The following SLC25A13 variants were observed in gnomAD, a reference collection of about 807,000 sequenced individuals.
The protein encoded by SLC25A13 is solute carrier family 25 member 13, also known as electrogenic aspartate/glutamate antiporter SLC25A13, mitochondrial.
A neutral mutation model predicts 85.5 loss-of-function variants in SLC25A13; 70 were observed. The observed-to-expected ratio is 0.82, with a 90% confidence interval of 0.68 to 1.00. SLC25A13 has a LOEUF of 1.00. Ranked by LOEUF, SLC25A13 falls within the 50% of genes least tolerant of loss-of-function variation. The pLI is 0.00. For synonymous variants in SLC25A13, 259 were observed against 288.7 expected, an observed-to-expected ratio of 0.90 and a Z score of 1.04; for missense variants, 765 against 819.8, an observed-to-expected ratio of 0.93 and a Z score of 0.82.
At chr7:96,156,851 G>T (rs927352493) in intron 13 of SLC25A13, among the ~76,000 whole-genome samples, 2 of 152,082 alleles carry the variant, frequency 1.3e-5, no homozygotes, top group Non-Finnish European at 2.9e-5. Context: ...CCAGCCGTGA[G>T]AAATATTTTA....
intron 3 of SLC25A13, among the ~76,000 whole-genome samples, chr7:96,273,375 G>A (rs984618182): frequency 6.6e-6 from 1 of 152,200 alleles, no homozygotes; most frequent in South Asian, 2.1e-4. Context: ...GGGAAGGGAG[G>A]TGAACACACC....
intron 1 of SLC25A13, among the ~76,000 whole-genome samples, chr7:96,307,617 A>C (rs535678915): frequency 6.6e-6 from 1 of 152,190 alleles, no homozygotes; most frequent in African/African-American, 2.4e-5. Flanking sequence ...AGGGCATGGC[A>C]TAAATGAAAC....
At chr7:96,311,197 T>C (rs1420070789) in intron 1 of SLC25A13, among the ~76,000 whole-genome samples, 1 of 152,126 alleles carries the variant, frequency 6.6e-6, no homozygotes, top group Non-Finnish European at 1.5e-5. Context: ...TTAAAACCAT[T>C]ATGCAAAAAG....
At chr7:96,198,227 A>G (rs781131548) in intron 5 of SLC25A13, among the ~76,000 whole-genome samples, 11 of 152,178 alleles carry the variant, frequency 7.2e-5, no homozygotes, top group Admixed American at 4.6e-4. Context: ...TTTCTTCTAC[A>G]GAATAGGCAC....
intron 1 of SLC25A13, among the ~76,000 whole-genome samples, chr7:96,302,295 T>C (rs530784300): frequency 2.6e-5 from 4 of 152,130 alleles, no homozygotes; most frequent in Non-Finnish European, 4.4e-5. Flanking sequence ...TTCACTCTCC[T>C]AATATGAGTT....
At chr7:96,142,111 G>T (rs557524363) in intron 14 of SLC25A13, among the ~76,000 whole-genome samples, 1 of 152,156 alleles carries the variant, frequency 6.6e-6, no homozygotes, top group Non-Finnish European at 1.5e-5. Flanking sequence ...CTTAAGAAAA[G>T]TAAAATATTC....
intron 4 of SLC25A13, among the ~76,000 whole-genome samples, chr7:96,232,013 G>A (rs570820024): frequency 1.9e-4 from 29 of 152,242 alleles, no homozygotes; most frequent in South Asian, 1.5e-3. Context: ...CAACCACTGT[G>A]GAAAACAGTG....
At chr7:96,193,301 C>A in intron 5 of SLC25A13, 118 bp from the exon 6 acceptor site, 6 of 1,217,774 alleles carry the variant, frequency 4.9e-6, no homozygotes, top group Admixed American at 2.0e-5. Flanking sequence ...ATCTAACAAG[C>A]CCTCATCTGC....
At chr7:96,145,161 C>G (rs940559831) in intron 14 of SLC25A13, among the ~76,000 whole-genome samples, 1 of 152,068 alleles carries the variant, frequency 6.6e-6, no homozygotes, top group Non-Finnish European at 1.5e-5. Context: ...AAAAAAACAG[C>G]AGGTTTATTC....
At chr7:96,271,810 G>A (rs944341835) in intron 3 of SLC25A13, among the ~76,000 whole-genome samples, 3 of 151,968 alleles carry the variant, frequency 2.0e-5, no homozygotes, top group African/African-American at 7.2e-5. Context: ...GTCTATTAAT[G>A]GGAAGGGGGA....
At chr7:96,201,050 C>A (rs1795237954) in intron 5 of SLC25A13, among the ~76,000 whole-genome samples, 1 of 152,156 alleles carries the variant, frequency 6.6e-6, no homozygotes, top group Admixed American at 6.5e-5. Flanking sequence ...AGGCAAACAA[C>A]ACTAATGTGC....
intron 3 of SLC25A13, among the ~76,000 whole-genome samples, chr7:96,256,049 CG>C (rs367977470): frequency 4.1e-4 from 63 of 152,182 alleles, no homozygotes; most frequent in African/African-American, 1.4e-3. Flanking sequence ...ACCACCAGGC[CG>C]GCCTTACAAG....
intron 3 of SLC25A13, among the ~76,000 whole-genome samples, chr7:96,276,106 C>A (rs1277133814): frequency 6.6e-6 from 1 of 152,126 alleles, no homozygotes; most frequent in Non-Finnish European, 1.5e-5. Context: ...AGGGTGCTGG[C>A]AAGCAGCAGG....
intron 14 of SLC25A13, among the ~76,000 whole-genome samples, chr7:96,137,154 C>T (rs1330354926): frequency 6.6e-6 from 1 of 152,156 alleles, no homozygotes; most frequent in Non-Finnish European, 1.5e-5. Flanking sequence ...TTAGACCCCA[C>T]CTACATGGCT....
intron 3 of SLC25A13, among the ~76,000 whole-genome samples, chr7:96,240,819 T>C (rs1209772697): frequency 6.6e-6 from 1 of 151,106 alleles, no homozygotes; most frequent in Non-Finnish European, 1.5e-5. Flanking sequence ...GGTCCTGTGA[T>C]GGTAGACCAA....
intron 3 of SLC25A13, among the ~76,000 whole-genome samples, chr7:96,239,364 TTATA>T (rs530704741): frequency 6.7e-6 from 1 of 149,352 alleles, no homozygotes; most frequent in Non-Finnish European, 1.5e-5. Context: ...CTAAAAATGT[TTATA>T]TATATATATG....
intron 15 of SLC25A13, among the ~76,000 whole-genome samples, chr7:96,127,488 A>G (rs1036969186): frequency 1.3e-5 from 2 of 152,234 alleles, no homozygotes; most frequent in Non-Finnish European, 2.9e-5. Flanking sequence ...AGGTGAGGAT[A>G]CCAATAACCA....
intron 13 of SLC25A13, among the ~76,000 whole-genome samples, chr7:96,150,923 C>T (rs988999189): frequency 3.9e-5 from 6 of 151,938 alleles, no homozygotes; most frequent in Non-Finnish European, 5.9e-5. Flanking sequence ...AGTTCAGTAA[C>T]TATATGCCTC....
chr7:96,316,313 C>A (rs900572340), intron 1 of SLC25A13, among the ~76,000 whole-genome samples: 1 of 152,094 alleles, frequency 6.6e-6, no homozygotes, highest in African/African-American at 2.4e-5. Flanking sequence ...TATGACAATT[C>A]CTGTCCTGCA....
Sources: allele counts gnomAD v4.1 joint callset (sites outside exome capture counted in the v4.1 genomes callset), GRCh38; gene constraint gnomAD v4.1.1; transcripts MANE v1.5; gene names NCBI Gene and HGNC (gene_info 2026-07-23, HGNC 2026-07-21).